WDR35: variants seen among roughly 807,000 people sequenced by gnomAD.
WDR35 encodes the protein WD repeat domain 35, also known as WD repeat-containing protein 35.
Under a neutral mutation model 158.3 loss-of-function variants are expected in WDR35, and 118 were observed. That is an observed-to-expected ratio of 0.75 (90% CI 0.64 to 0.87). WDR35 has a LOEUF of 0.87. Ranked by LOEUF, WDR35 falls within the 40% of genes least tolerant of loss-of-function variation. The probability of loss-of-function intolerance (pLI) is 0.00; values close to 1 mark genes in which losing one functional copy is unlikely to be tolerated. For synonymous variants in WDR35, 448 were observed against 476.1 expected, an observed-to-expected ratio of 0.94 and a Z score of 0.77; for missense variants, 1,263 against 1,405.8, an observed-to-expected ratio of 0.90 and a Z score of 1.62.
Position 19,932,336 on chromosome 2 carries a change from C to T in WDR35, c.2770G>A (p.Glu924Lys), listed in dbSNP as rs148592305. The change falls in exon 23 of 27, where the codon GAA becomes AAA. Residue 924 changes from glutamate (E) to lysine (K), a missense_variant. Glu to Lys is a moderately conservative substitution (Grantham distance 56). Coordinates refer to ENST00000281405, the MANE Select transcript of WDR35 (RefSeq NM_020779.4). Reference sequence around the variant, plus strand: ...AAGTAATTGGCTTTCCGATAGAGTTCTATGGCATCAAGAGTTTTATTCTTT... The same window carrying T: ...AAGTAATTGGCTTTCCGATAGAGTTTTATGGCATCAAGAGTTTTATTCTTT... ...LEKNKTLDAIELYRKANYFFD... is the reference protein window; with the variant it reads ...LEKNKTLDAIKLYRKANYFFD... 79 of 1,613,172 alleles carry T rather than the reference C, an allele frequency of 4.9e-5. No homozygotes were observed. Among genetic ancestry groups the T allele is most frequent in the South Asian group, 1.4e-4 (13 of 91,076 alleles).
Position 19,941,849 on chromosome 2 carries a change from CAA to C in WDR35, c.1846-12_1846-11del, listed in dbSNP as rs754138477. ...AGGTCTGAATGGGTTCCTTTAAAGACAAAAAAAAAGTTATGTTTCATTATGCA... is the reference window on the plus strand; with the variant it reads ...AGGTCTGAATGGGTTCCTTTAAAGACAAAAAAAGTTATGTTTCATTATGCA... On this transcript the variant is annotated splice_polypyrimidine_tract_variant and intron_variant, in intron 16 of 26. Coordinates refer to ENST00000281405, the MANE Select transcript of WDR35 (RefSeq NM_020779.4). 2 of 1,526,126 alleles carry C rather than the reference CAA, an allele frequency of 1.3e-6. No individual in the cohort carries two copies. Among genetic ancestry groups the C allele is most frequent in the South Asian group, 1.2e-5 (1 of 84,062 alleles). 94.5% of individuals were successfully genotyped at this position (1,526,126 alleles called of 1,614,324 possible). A position where few individuals can be genotyped will look rare whatever the true frequency, so the allele number is the denominator to read the frequency against.
intron 3 of WDR35, among the ~76,000 whole-genome samples, chr2:19,981,174 G>A (rs1165508785): frequency 6.6e-6 from 1 of 152,120 alleles, no homozygotes; most frequent in Non-Finnish European, 1.5e-5. Context: ...TGGTAGATAT[G>A]TCCTATAATC....
chr2:19,940,543 CT>C (rs1670839060), intron 17 of WDR35, among the ~76,000 whole-genome samples: 1 of 152,266 alleles, frequency 6.6e-6, no homozygotes, highest in African/African-American at 2.4e-5. Context: ...ATAGTCAAAT[CT>C]GGAGGTTACA....
intron 2 of WDR35, among the ~76,000 whole-genome samples, chr2:19,985,373 AC>A (rs1672524401): frequency 6.6e-6 from 1 of 151,366 alleles, no homozygotes; most frequent in Non-Finnish European, 1.5e-5. Context: ...TCATCCTCAA[AC>A]CCTACCACAA....
intron 9 of WDR35, 67 bp from the exon 10 acceptor site, chr2:19,966,976 G>A (rs555331977): frequency 4.7e-6 from 7 of 1,481,040 alleles, no homozygotes; most frequent in Non-Finnish European, 6.5e-6. Context: ...GTATTGGGAA[G>A]GCAAATCACA....
In WDR35 at chr2:19,935,054, C is replaced by T. The variant is rs553291007; in HGVS notation, c.2547+417G>A. The T allele has an allele frequency of 6.4e-4, 99 of 153,700 alleles. No homozygotes were observed. The South Asian group carries it at 0.015, about 24-fold the overall frequency. The allele number at this position is 153,700 out of a possible 1,614,324, so 9.5% of individuals were successfully genotyped here. Reference sequence around the variant, plus strand: ...TCCATTTCTCTTTTAACTTGAAATACTTTATTGTTAATATAACATAATAAA... The same window carrying T: ...TCCATTTCTCTTTTAACTTGAAATATTTTATTGTTAATATAACATAATAAA... On this transcript the variant is annotated intron_variant, in intron 21 of 26. Transcript: ENST00000281405.
intron 2 of WDR35, among the ~76,000 whole-genome samples, chr2:19,984,326 A>G (rs67464539): frequency 0.055 from 8,310 of 152,230 alleles, 226 homozygotes; most frequent in Non-Finnish European, 0.073. Flanking sequence ...ATGTCCATAA[A>G]AAGGCCAAAA....
chr2:19,964,576 G>T (rs1210345481), intron 10 of WDR35, among the ~76,000 whole-genome samples: 1 of 151,388 alleles, frequency 6.6e-6, no homozygotes, highest in Admixed American at 6.6e-5. Flanking sequence ...TAGAGACAGG[G>T]TTTCACCGTG....
chr2:19,968,478 C>T (rs1671929620), intron 9 of WDR35, among the ~76,000 whole-genome samples: 1 of 152,160 alleles, frequency 6.6e-6, no homozygotes, highest in Admixed American at 6.5e-5. Context: ...TCAGCATCAA[C>T]TCTTGGGCAT....
rs1670842311 is a variant in WDR35, at chr2:19,940,609, C to CT, written c.1926+1149dup. On this transcript the variant is annotated intron_variant, in intron 17 of 26. Transcript: ENST00000281405. ...ATTTTTGATGGTTGGCTGCTGACAG[C>CT]TTTTAAACCTCACCTCTCCCTCTTC... is the stretch of plus-strand genomic sequence containing the variant. 2.0e-5 allele frequency among the ~76,000 whole-genome samples: 3 copies of CT among 152,236 alleles called. No homozygotes were observed. In the South Asian group the frequency reaches 6.2e-4, roughly 32 times the overall value.
At chr2:19,977,100 G>C (rs1672242389) in intron 5 of WDR35, among the ~76,000 whole-genome samples, 1 of 152,040 alleles carries the variant, frequency 6.6e-6, no homozygotes, top group Non-Finnish European at 1.5e-5. Flanking sequence ...CCAAAGTGCT[G>C]GGACTGCAGG....
chr2:19,967,240 G>A (rs62109419), intron 9 of WDR35, among the ~76,000 whole-genome samples: 13,165 of 152,206 alleles, frequency 0.086, 733 homozygotes, highest in South Asian at 0.2. Flanking sequence ...CGTGATCCCT[G>A]TCAAAGTTTC....
In WDR35 at chr2:19,958,240, C is replaced by T. The variant is rs569702725; in HGVS notation, c.1255+2314G>A. On this transcript the variant is annotated intron_variant, in intron 11 of 26. Transcript: ENST00000281405. ...GCATAGGCAAACTGGTACTTGATGG[C>T]CACTTTCCATGCCTTCATTCCTCTG... Among the ~76,000 whole-genome samples, 82 of 152,314 alleles carry T rather than the reference C, an allele frequency of 5.4e-4. No individual in the cohort carries two copies. In the South Asian group the frequency reaches 0.016, roughly 29 times the overall value.
At chr2:19,920,457 TAAAC>T (rs1670135552) in intron 25 of WDR35, among the ~76,000 whole-genome samples, 1 of 152,116 alleles carries the variant, frequency 6.6e-6, no homozygotes, top group South Asian at 2.1e-4. Flanking sequence ...ATCCACCACA[TAAAC>T]AAAACCAGTG....
chr2:19,964,368 T>C (rs1006403754), intron 10 of WDR35, among the ~76,000 whole-genome samples: 2 of 122,048 alleles, frequency 1.6e-5, no homozygotes, highest in Non-Finnish European at 3.4e-5. Flanking sequence ...TTCTTTTTTC[T>C]TTCTTTTCTT....
intron 13 of WDR35, among the ~76,000 whole-genome samples, chr2:19,948,482 A>T (rs1159109764): frequency 6.6e-6 from 1 of 152,232 alleles, no homozygotes; most frequent in East Asian, 1.9e-4. Flanking sequence ...TGATAAAAGA[A>T]GAGACAGAAA....
In WDR35 at chr2:19,914,057, T is replaced by C. The variant is rs1669917842; in HGVS notation, c.3342A>G (p.Glu1114=). The C allele has an allele frequency of 1.9e-6, 3 of 1,614,040 alleles. No individual in the cohort carries two copies. The highest frequency in any genetic ancestry group is 2.5e-6 in the Non-Finnish European group (3 of 1,179,990). ...CCTACCCTTCCATAAGGCTGTCCAA[T>C]TCAGGTTTTCTGTTATCTTTTGAAG... The part of the protein sequence containing the change: ...KHTSKDNRKP[E]LDSLMEGGEG... Residue 1114 remains glutamate, a synonymous_variant, in exon 26 of 27, where the codon GAA becomes GAG. Transcript: ENST00000281405.
chr2:19,937,743 C>G lies in WDR35; in HGVS notation c.2267G>C (p.Arg756Thr). The G allele has an allele frequency of 6.2e-7, 1 of 1,614,082 alleles. No individual in the cohort carries two copies. The highest frequency in any genetic ancestry group is 1.1e-5 in the South Asian group (1 of 91,074). The change falls in exon 19 of 27, where the codon AGG becomes ACG. Residue 756 changes from arginine to threonine, a missense_variant and splice_region_variant. Transcript: ENST00000281405. Reference protein sequence around the residue: ...AERTYLEMDRRDLAIGLRLKL... With the variant: ...AERTYLEMDRTDLAIGLRLKL... ...GGATGCCTGCGCCTTCATAACTTAC[C>G]TTCTGTCCATCTCGAGATACGTTCT...
chr2:19,952,491 T>C (rs562460952), intron 12 of WDR35, among the ~76,000 whole-genome samples: 8 of 152,224 alleles, frequency 5.3e-5, no homozygotes, highest in Non-Finnish European at 8.8e-5. Context: ...TGCTGTCTTC[T>C]TGATTTAAAC....
Sources: allele counts gnomAD v4.1 joint callset (sites outside exome capture counted in the v4.1 genomes callset), GRCh38; gene constraint gnomAD v4.1.1; transcripts MANE v1.5; gene names NCBI Gene and HGNC (gene_info 2026-07-23, HGNC 2026-07-21).